The following TENM1 variants were observed in gnomAD, a reference collection of about 807,000 sequenced individuals.
The protein encoded by TENM1 is teneurin transmembrane protein 1, also known as teneurin-1.
TENM1 carries 35 observed loss-of-function variants against 174.8 expected under a neutral mutation model. The observed-to-expected ratio is 0.20, with a 90% confidence interval of 0.15 to 0.27. TENM1 has a LOEUF of 0.27. TENM1 is among the 10% of genes least tolerant of loss of function. The probability of loss-of-function intolerance (pLI) is 1.00; values close to 1 mark genes in which losing one functional copy is unlikely to be tolerated. For missense variants in TENM1, 1,633 were observed against 2,130.1 expected (o/e 0.77, Z 4.59); for synonymous variants, 781 against 798.7 (o/e 0.98, Z 0.37).
At chrX:124,789,229 C>T (rs1012578776) in intron 3 of TENM1, among the ~76,000 whole-genome samples, 3 of 110,689 alleles carry the variant, frequency 2.7e-5, no homozygotes, top group Non-Finnish European at 5.7e-5. Flanking sequence ...CTAGGCTGCA[C>T]ACAGCAGGGG....
At chrX:124,557,458 C>CT (rs67506211) in intron 14 of TENM1, among the ~76,000 whole-genome samples, 24,861 of 104,846 alleles carry the variant, frequency 0.24, 2,275 homozygotes, top group South Asian at 0.41. Flanking sequence ...TCTATCACCA[C>CT]TTTTTTTTTT....
chrX:125,181,405 G>T, the TENM1 span, among the ~76,000 whole-genome samples: 1 of 111,185 alleles, frequency 9.0e-6, no homozygotes. Context: ...AGAGAGGAGA[G>T]AAATCATTCT....
chrX:124,842,566 G>C (rs762553794), intron 3 of TENM1, among the ~76,000 whole-genome samples: 122 of 111,018 alleles, frequency 1.1e-3, no homozygotes, highest in African/African-American at 3.9e-3. Flanking sequence ...CTGACATCAG[G>C]GTACCAACAT....
At chrX:124,714,768 G>T (rs1352654824) in intron 4 of TENM1, among the ~76,000 whole-genome samples, 1 of 111,428 alleles carries the variant, frequency 9.0e-6, no homozygotes, top group Non-Finnish European at 1.9e-5. Context: ...AGGAGTAAGG[G>T]CATAGATACA....
At chrX:125,088,532 T>C in the TENM1 span, among the ~76,000 whole-genome samples, 27 of 111,658 alleles carry the variant, frequency 2.4e-4, no homozygotes, top group African/African-American at 7.8e-4. Flanking sequence ...ATCTGCTTAA[T>C]TTTTTGAAAA....
intron 3 of TENM1, among the ~76,000 whole-genome samples, chrX:124,765,657 G>T (rs1439499141): frequency 2.7e-5 from 3 of 112,230 alleles, no homozygotes; most frequent in Non-Finnish European, 5.6e-5. Context: ...CTGCAAATGC[G>T]TTTATGACAC....
chrX:124,824,597 A>T (rs1037182954), intron 3 of TENM1, among the ~76,000 whole-genome samples: 2 of 112,019 alleles, frequency 1.8e-5, no homozygotes, highest in Non-Finnish European at 3.8e-5. Context: ...AGAGGTAATA[A>T]CATTTTCCAT....
chrX:124,712,998 T>C (rs1344538794), intron 4 of TENM1, among the ~76,000 whole-genome samples: 1 of 111,458 alleles, frequency 9.0e-6, no homozygotes, highest in Non-Finnish European at 1.9e-5. Flanking sequence ...AACAACTATA[T>C]AAAGGAGAAT....
At chrX:124,814,048 T>C (rs767809713) in intron 3 of TENM1, among the ~76,000 whole-genome samples, 5 of 111,721 alleles carry the variant, frequency 4.5e-5, no homozygotes, top group Non-Finnish European at 7.5e-5. Flanking sequence ...TATAGATGGC[T>C]GAAGGATAGA....
intron 3 of TENM1, among the ~76,000 whole-genome samples, chrX:124,764,950 C>T (rs1053084919): frequency 9.0e-6 from 1 of 110,624 alleles, no homozygotes; most frequent in African/African-American, 3.3e-5. Flanking sequence ...CCTTTCATCC[C>T]ATATTGTTTG....
intron 11 of TENM1, among the ~76,000 whole-genome samples, chrX:124,582,119 A>C (rs1241015288): frequency 9.0e-6 from 1 of 111,397 alleles, no homozygotes; most frequent in Non-Finnish European, 1.9e-5. Context: ...CCACTTATGT[A>C]TAAGAACATG....
At chrX:124,886,501 T>C (rs2057385584) in intron 3 of TENM1, among the ~76,000 whole-genome samples, 1 of 97,116 alleles carries the variant, frequency 1.0e-5, no homozygotes, top group African/African-American at 3.8e-5. Flanking sequence ...GAAATTATAG[T>C]ACTGCTAGCA....
chrX:125,133,341 C>A, the TENM1 span, among the ~76,000 whole-genome samples: 18 of 111,748 alleles, frequency 1.6e-4, no homozygotes, highest in African/African-American at 4.6e-4. Flanking sequence ...ACTGGTAATT[C>A]TTCAAGTATC....
intron 11 of TENM1, among the ~76,000 whole-genome samples, chrX:124,640,643 C>G (rs1431023848): frequency 2.7e-5 from 3 of 111,640 alleles, no homozygotes; most frequent in African/African-American, 9.8e-5. Flanking sequence ...TTTCTGTGCT[C>G]TTTAGCAATG....
intron 5 of TENM1, among the ~76,000 whole-genome samples, chrX:124,693,030 A>G (rs904881312): frequency 9.3e-6 from 1 of 107,944 alleles, no homozygotes; most frequent in African/African-American, 3.4e-5. Context: ...AAAAAGAAAA[A>G]AAAAAAGAAA....
At chrX:124,688,955 A>C (rs779890521) in intron 5 of TENM1, 6 of 112,045 alleles carry the variant, frequency 5.4e-5, no homozygotes, top group Non-Finnish European at 1.1e-4. Context: ...ATTTGATTAT[A>C]GTAATCGTTT....
chrX:125,020,886 T>C, the TENM1 span, among the ~76,000 whole-genome samples: 3 of 111,715 alleles, frequency 2.7e-5, no homozygotes, highest in South Asian at 7.3e-4. Context: ...AAAATGGATA[T>C]AGTCTTAAAA....
At chrX:124,425,995 GGTGTGTGT>G (rs200141105) in intron 23 of TENM1, among the ~76,000 whole-genome samples, 39,793 of 87,605 alleles carry the variant, frequency 0.45, 8,066 homozygotes, top group South Asian at 0.58. Flanking sequence ...CAAAAGGACT[GGTGTGTGT>G]GTGTGTGTGT....
chrX:124,985,827 C>T, the TENM1 span, among the ~76,000 whole-genome samples: 1 of 112,000 alleles, frequency 8.9e-6, no homozygotes, highest in Non-Finnish European at 1.9e-5. Flanking sequence ...ATGAGGCTGA[C>T]AAGTCAGTAG....
Sources: gnomAD v4.1 joint callset for allele counts (sites outside exome capture counted in the v4.1 genomes callset) on GRCh38, gnomAD v4.1.1 for gene constraint, MANE v1.5 for transcripts, NCBI Gene and HGNC (gene_info 2026-07-23, HGNC 2026-07-21) for gene names.